The following BBS9 variants were observed in gnomAD, a reference collection of about 807,000 sequenced individuals.
BBS9 encodes the protein protein PTHB1.
Under a neutral mutation model 117.7 loss-of-function variants are expected in BBS9, and 89 were observed. That is an observed-to-expected ratio of 0.76 (90% CI 0.64 to 0.90). BBS9 has a LOEUF of 0.90. Among genes scored for constraint, BBS9 ranks in the 40% least tolerant of loss-of-function variants. The pLI is 0.00. For synonymous variants in BBS9, 379 were observed against 370.9 expected (o/e 1.02, Z -0.25); for missense variants, 982 against 1,042.2 (o/e 0.94, Z 0.80).
chr7:33,297,194 A>G (rs943563670), intron 9 of BBS9, among the ~76,000 whole-genome samples: 2 of 152,260 alleles, frequency 1.3e-5, no homozygotes, highest in African/African-American at 2.4e-5. Context: ...AATTTAGTGG[A>G]TATCTCAGAT....
chr7:33,480,577 A>C (rs1842395839), intron 19 of BBS9, among the ~76,000 whole-genome samples: 1 of 152,176 alleles, frequency 6.6e-6, no homozygotes, highest in Non-Finnish European at 1.5e-5. Flanking sequence ...TCTGTCATGT[A>C]TCTTGACCTA....
At chr7:33,568,931 A>C (rs1857333210) in intron 21 of BBS9, among the ~76,000 whole-genome samples, 1 of 152,208 alleles carries the variant, frequency 6.6e-6, no homozygotes, top group African/African-American at 2.4e-5. Context: ...AGATGGAAAC[A>C]AGATAAAAAG....
chr7:33,186,048 G>T (rs1798760802), intron 5 of BBS9, among the ~76,000 whole-genome samples: 1 of 152,114 alleles, frequency 6.6e-6, no homozygotes, highest in Non-Finnish European at 1.5e-5. Context: ...CAACAGGGTG[G>T]GTTTTTAAAA....
At chr7:33,212,277 A>G (rs563089681) in intron 5 of BBS9, among the ~76,000 whole-genome samples, 1 of 152,148 alleles carries the variant, frequency 6.6e-6, no homozygotes, top group Admixed American at 6.5e-5. Context: ...TCCTTTGACC[A>G]TGTATTTTCA....
At chr7:33,624,815 A>G (rs1265590887) in intron 21 of BBS9, among the ~76,000 whole-genome samples, 1 of 152,232 alleles carries the variant, frequency 6.6e-6, no homozygotes, top group Non-Finnish European at 1.5e-5. Context: ...AAAATAGAAT[A>G]GTCCTGGGTG....
At chr7:33,625,951 A>G (rs1033202839) in intron 21 of BBS9, among the ~76,000 whole-genome samples, 2 of 152,222 alleles carry the variant, frequency 1.3e-5, no homozygotes, top group Non-Finnish European at 2.9e-5. Flanking sequence ...TGGGTAGTCT[A>G]GTTTAACTAG....
At chr7:33,250,927 A>G (rs1412761809) in intron 5 of BBS9, among the ~76,000 whole-genome samples, 1 of 152,192 alleles carries the variant, frequency 6.6e-6, no homozygotes, top group Non-Finnish European at 1.5e-5. Flanking sequence ...GATCATTTCA[A>G]TAGATGACGT....
At chr7:33,151,274 C>T (rs1435884528) in intron 2 of BBS9, among the ~76,000 whole-genome samples, 1 of 151,956 alleles carries the variant, frequency 6.6e-6, no homozygotes, top group Non-Finnish European at 1.5e-5. Context: ...AAAAGAAGAA[C>T]CAATTCCAAA....
At chr7:33,272,871 AAG>A (rs200639999) in intron 7 of BBS9, 139 bp from the exon 8 acceptor site, 233 of 855,426 alleles carry the variant, frequency 2.7e-4, no homozygotes, top group East Asian at 3.7e-4. Flanking sequence ...TGATAAAAAA[AAG>A]AATAAAGAAA....
chr7:33,132,663 C>A (rs551395343), intron 1 of BBS9, among the ~76,000 whole-genome samples: 2 of 152,002 alleles, frequency 1.3e-5, no homozygotes, highest in Non-Finnish European at 2.9e-5. Context: ...GTTTCATGAC[C>A]AAAAAATGTT....
chr7:33,634,534 T>C (rs2129232191), intron 21 of BBS9, among the ~76,000 whole-genome samples: 1 of 152,348 alleles, frequency 6.6e-6, no homozygotes, highest in Middle Eastern at 3.4e-3. Context: ...AGAGCATTTC[T>C]AGACCTTTCC....
chr7:33,174,583 G>A (rs1003105432), intron 4 of BBS9, among the ~76,000 whole-genome samples: 4 of 152,200 alleles, frequency 2.6e-5, no homozygotes, highest in African/African-American at 9.7e-5. Flanking sequence ...GGTTTGATCA[G>A]CTGACCGCCT....
intron 5 of BBS9, among the ~76,000 whole-genome samples, chr7:33,236,159 T>A (rs1181797982): frequency 1.3e-5 from 2 of 151,756 alleles, no homozygotes; most frequent in African/African-American, 4.8e-5. Flanking sequence ...AAACCCCATC[T>A]CTACTAAAAA....
chr7:33,361,276 A>G (rs1175051028), intron 16 of BBS9, among the ~76,000 whole-genome samples: 1 of 152,242 alleles, frequency 6.6e-6, no homozygotes, highest in Non-Finnish European at 1.5e-5. Flanking sequence ...CTTAAATGTA[A>G]TAACAGATAA....
chr7:33,134,174 C>G (rs545254702), intron 1 of BBS9, among the ~76,000 whole-genome samples: 67 of 151,762 alleles, frequency 4.4e-4, no homozygotes, highest in African/African-American at 1.4e-3. Context: ...CTCAGCCTCC[C>G]AAGTAATTGG....
intron 2 of BBS9, among the ~76,000 whole-genome samples, chr7:33,149,979 C>A (rs530606046): frequency 6.6e-5 from 10 of 152,052 alleles, no homozygotes; most frequent in African/African-American, 2.4e-4. Flanking sequence ...GGAAGCTCAG[C>A]GGGGAATGTT....
At chr7:33,229,090 C>G (rs1333417526) in intron 5 of BBS9, among the ~76,000 whole-genome samples, 2 of 152,076 alleles carry the variant, frequency 1.3e-5, no homozygotes, top group Non-Finnish European at 2.9e-5. Context: ...AGGTATACAA[C>G]ATGATTTATG....
intron 17 of BBS9, among the ~76,000 whole-genome samples, chr7:33,368,450 A>T (rs889641487): frequency 9.9e-5 from 15 of 152,240 alleles, no homozygotes; most frequent in African/African-American, 3.6e-4. Flanking sequence ...AGTCAATGTA[A>T]AACTAGCTCT....
chr7:33,491,972 G>T (rs1027442590), intron 19 of BBS9, among the ~76,000 whole-genome samples: 2 of 151,886 alleles, frequency 1.3e-5, no homozygotes, highest in Non-Finnish European at 2.9e-5. Flanking sequence ...GGCTAAGGTG[G>T]GTGGATCACT....
Sources: gnomAD v4.1 joint callset for allele counts (sites outside exome capture counted in the v4.1 genomes callset) on GRCh38, gnomAD v4.1.1 for gene constraint, MANE v1.5 for transcripts, NCBI Gene and HGNC (gene_info 2026-07-23, HGNC 2026-07-21) for gene names.